SORBS2: variants seen among roughly 807,000 people sequenced by gnomAD.
The protein encoded by SORBS2 is sorbin and SH3 domain containing 2.
SORBS2 carries 46 observed loss-of-function variants against 97.7 expected under a neutral mutation model. The ratio of observed to expected loss-of-function variants is 0.47; its 90% CI spans 0.37 to 0.60. SORBS2 has a LOEUF of 0.60. SORBS2 is among the 20% of genes least tolerant of loss of function. The pLI is 0.00. For missense variants in SORBS2, 1,316 were observed against 1,282.3 expected, an observed-to-expected ratio of 1.03 and a Z score of -0.40; for synonymous variants, 476 against 473.4, an observed-to-expected ratio of 1.01 and a Z score of -0.07.
intron 12 of SORBS2, among the ~76,000 whole-genome samples, chr4:185,600,272 A>G (rs982838858): frequency 6.6e-5 from 10 of 152,252 alleles, no homozygotes; most frequent in Non-Finnish European, 1.5e-4. Context: ...CACAGCAGAA[A>G]AAGGTTCACA....
intron 4 of SORBS2, 26 bp downstream of exon 14, chr4:185,638,851 G>A (rs1366347857): frequency 7.0e-7 from 1 of 1,430,436 alleles, no homozygotes; most frequent in African/African-American, 1.5e-5. Flanking sequence ...CGGGCATGAA[G>A]AAAGGTAAGG....
At chr4:185,932,537 A>G (rs576714574) in intron 1 of SORBS2, among the ~76,000 whole-genome samples, 1 of 152,210 alleles carries the variant, frequency 6.6e-6, no homozygotes, top group Admixed American at 6.5e-5. Flanking sequence ...TCAACACCTC[A>G]CCATTAAGGA....
At chr4:185,810,945 GTCCTAGAACTCAATGCAGAGGCTTCGCT>G (rs2099179119) in intron 1 of SORBS2, 1 of 152,170 alleles carries the variant, frequency 6.6e-6, no homozygotes, top group African/African-American at 2.4e-5. Context: ...TACCTCAGCT[GTCCTAGAACTCAATGCAGAGGCTTCGCT>G]TCCTTTCTTT....
intron 1 of SORBS2, among the ~76,000 whole-genome samples, chr4:185,778,499 CACA>C (rs1217955049): frequency 6.6e-6 from 1 of 152,146 alleles, no homozygotes; most frequent in Non-Finnish European, 1.5e-5. Flanking sequence ...TGTGCATTTT[CACA>C]ACATCCCCAG....
In SORBS2 at chr4:185,694,710, TC is replaced by T. The variant is rs146162424; in HGVS notation, c.-197-15889del. Among the ~76,000 whole-genome samples, 118 of 134,030 alleles carry T rather than the reference TC, an allele frequency of 8.8e-4. 8 individuals carry two copies. The highest frequency in any genetic ancestry group is 8.6e-3 in the Admixed American group (112 of 13,042). 87.9% of individuals were successfully genotyped at this position (134,030 alleles called of 152,430 possible). A position where few individuals can be genotyped will look rare whatever the true frequency, so the allele number is the denominator to read the frequency against. The stretch of plus-strand genomic sequence containing the variant: ...TTTTTCTTTTTCCTTTTCTTTCTTT[TC>T]TTTTCTTTTTTTTGAGACGGAGTCT... On this transcript the variant is annotated intron_variant, in intron 2 of 20. Coordinates refer to the SORBS2 transcript ENST00000284776.
chr4:185,911,392 T>C (rs1486365775), intron 1 of SORBS2, among the ~76,000 whole-genome samples: 1 of 152,142 alleles, frequency 6.6e-6, no homozygotes, highest in Non-Finnish European at 1.5e-5. Context: ...CATGCCTGGC[T>C]AATTTTTTTT....
chr4:185,908,518 CA>C (rs888513920), intron 1 of SORBS2, among the ~76,000 whole-genome samples: 2 of 150,552 alleles, frequency 1.3e-5, no homozygotes, highest in African/African-American at 4.9e-5. Context: ...ATTGCTAAAT[CA>C]AAACGCTTAG....
At chr4:185,800,700 C>A (rs2099126108) in intron 1 of SORBS2, among the ~76,000 whole-genome samples, 1 of 152,088 alleles carries the variant, frequency 6.6e-6, no homozygotes, top group Admixed American at 6.5e-5. Flanking sequence ...TAGCTGGGCC[C>A]CCTCCATCCT....
intron 1 of SORBS2, among the ~76,000 whole-genome samples, chr4:185,912,834 A>G (rs534915622): frequency 1.3e-5 from 2 of 152,312 alleles, no homozygotes; most frequent in South Asian, 2.1e-4. Context: ...GGTATGAACA[A>G]TTGGAACTGT....
upstream of SORBS2, chr4:185,657,356 G>A (rs1458172895): frequency 1.9e-5 from 27 of 1,397,194 alleles, no homozygotes; most frequent in Non-Finnish European, 2.3e-5. Context: ...GCACAAAGCC[G>A]TGGACAATCC....
intron 2 of SORBS2, among the ~76,000 whole-genome samples, chr4:185,756,539 A>G (rs929456339): frequency 3.3e-5 from 5 of 152,286 alleles, no homozygotes; most frequent in Non-Finnish European, 4.4e-5. Context: ...TTTTGTCTGG[A>G]TCTTTACATT....
intron 1 of SORBS2, among the ~76,000 whole-genome samples, chr4:185,822,961 G>T (rs1338456819): frequency 6.6e-6 from 1 of 152,228 alleles, no homozygotes; most frequent in Non-Finnish European, 1.5e-5. Flanking sequence ...GCTGAGTCAT[G>T]CAGGAAGCTG....
chr4:185,806,474 T>C (rs1290067515), intron 1 of SORBS2, among the ~76,000 whole-genome samples: 2 of 78,508 alleles, frequency 2.5e-5, no homozygotes, highest in African/African-American at 9.8e-5. Flanking sequence ...TTTTTTTTTT[T>C]TGAGACGGAG....
intron 1 of SORBS2, among the ~76,000 whole-genome samples, chr4:185,937,127 G>A (rs370998565): frequency 5.6e-4 from 85 of 152,290 alleles, no homozygotes; most frequent in African/African-American, 2.0e-3. Flanking sequence ...CCTGGTGCTT[G>A]AACCCGATTT....
intron 4 of SORBS2, among the ~76,000 whole-genome samples, chr4:185,638,433 G>C (rs982220410): frequency 2.0e-5 from 3 of 152,180 alleles, no homozygotes; most frequent in African/African-American, 7.2e-5. Context: ...TGCTTGAGTT[G>C]ATCCACTTAC....
intron 1 of SORBS2, among the ~76,000 whole-genome samples, chr4:185,877,727 C>T (rs962397235): frequency 1.3e-5 from 2 of 151,566 alleles, no homozygotes; most frequent in Non-Finnish European, 2.9e-5. Flanking sequence ...AAAAATTAAC[C>T]AGCGTGGTGG....
chr4:185,664,306 G>A (rs1470087299), intron 4 of SORBS2, among the ~76,000 whole-genome samples: 1 of 152,156 alleles, frequency 6.6e-6, no homozygotes, highest in Non-Finnish European at 1.5e-5. Context: ...ACTGATAATT[G>A]CAATTAATTT....
At chr4:185,603,497 G>T (rs1399145095) in intron 12 of SORBS2, among the ~76,000 whole-genome samples, 1 of 152,178 alleles carries the variant, frequency 6.6e-6, no homozygotes, top group Non-Finnish European at 1.5e-5. Context: ...GAATGGGTTT[G>T]GTGGTAGTGG....
chr4:185,615,238 A>G, intron 9 of SORBS2, 79 bp from the exon 22 acceptor site: 2 of 854,358 alleles, frequency 2.3e-6, no homozygotes, highest in South Asian at 2.8e-5. Flanking sequence ...CTAGATCTGC[A>G]TTTGTTTGGC....
Sources: gnomAD v4.1 joint callset for allele counts (sites outside exome capture counted in the v4.1 genomes callset) on GRCh38, gnomAD v4.1.1 for gene constraint, MANE v1.5 for transcripts, NCBI Gene and HGNC (gene_info 2026-07-23, HGNC 2026-07-21) for gene names.